Variants in MYH13 observed in about 807,000 individuals in gnomAD.
MYH13 encodes the protein myosin-13.
In MYH13, 177 loss-of-function variants were observed where a neutral mutation model predicts 232.1. That is an observed-to-expected ratio of 0.76 (90% CI 0.67 to 0.86). The LOEUF (loss-of-function observed/expected upper bound fraction) is 0.86. Among genes scored for constraint, MYH13 ranks in the 40% least tolerant of loss-of-function variants. The pLI is 0.00. For missense variants in MYH13, 2,246 were observed against 2,405.9 expected (o/e 0.93, Z 1.39); for synonymous variants, 884 against 923.5 (o/e 0.96, Z 0.78).
At chr17:10,340,128 G>T (rs773203486) in intron 18 of MYH13, 22 bp downstream of exon 18, 5 of 1,599,884 alleles carry the variant, frequency 3.1e-6, no homozygotes, top group Non-Finnish European at 4.3e-6. Context: ...TCAAATACTT[G>T]GCAAGATCTG....
intron 19 of MYH13, among the ~76,000 whole-genome samples, chr17:10,332,869 T>C (rs1489803443): frequency 1.3e-5 from 2 of 152,202 alleles, no homozygotes; most frequent in Non-Finnish European, 1.5e-5. Flanking sequence ...ACAATCAGGC[T>C]AGAGGGTCTG....
Position 10,321,531 on chromosome 17 carries a change from C to A in MYH13, c.3111+1G>T, listed in dbSNP as rs367689410. ...AAAGCATAGTAGTAAAATATCCTCACATCATCTGTTTGCTGTTCAAGCTTG... is the reference window on the plus strand; with the variant it reads ...AAAGCATAGTAGTAAAATATCCTCAAATCATCTGTTTGCTGTTCAAGCTTG... On this transcript the variant is annotated splice_donor_variant, in intron 24 of 40. Coordinates refer to ENST00000252172, the MANE Select transcript of MYH13 (RefSeq NM_003802.3). LOFTEE classifies it high-confidence loss of function. 1 of 1,610,870 alleles carries A rather than the reference C, an allele frequency of 6.2e-7. No individual in the cohort carries two copies. Among genetic ancestry groups the A allele is most frequent in the Non-Finnish European group, 8.5e-7 (1 of 1,178,696 alleles).
At chr17:10,346,011 AAAC>A (rs1306401154) in intron 13 of MYH13, among the ~76,000 whole-genome samples, 102 of 136,560 alleles carry the variant, frequency 7.5e-4, no homozygotes, top group East Asian at 3.2e-3. Flanking sequence ...AAAAAAAAAA[AAAC>A]AAAAGAAAAA....
chr17:10,325,833 T>C (rs7342842), intron 22 of MYH13, among the ~76,000 whole-genome samples: 89,819 of 151,780 alleles, frequency 0.59, 26,975 homozygotes, highest in Non-Finnish European at 0.66. Flanking sequence ...CCCACCACCA[T>C]GCCCAGCTAA....
chr17:10,348,046 A>G (rs1474521271), intron 12 of MYH13, among the ~76,000 whole-genome samples: 3 of 151,990 alleles, frequency 2.0e-5, no homozygotes, highest in African/African-American at 7.2e-5. Context: ...CCCTTGCTTC[A>G]TTGCTGGGTG....
intron 11 of MYH13, among the ~76,000 whole-genome samples, chr17:10,353,905 G>GA (rs2071728755): frequency 2.1e-5 from 3 of 140,726 alleles, no homozygotes; most frequent in East Asian, 2.2e-4. Flanking sequence ...AGAGAAGAAA[G>GA]AAGGAGAGAG....
chr17:10,369,141 TCAATTATAA>T lies in MYH13; in HGVS notation c.-13+2059_-13+2067del, dbSNP rs566958760. On this transcript the variant is annotated intron_variant, in intron 2 of 40. Transcript: ENST00000252172. ...TACCTTATTTTATCAAAATTTGCCA[TCAATTATAA>T]CTTCCACAAATAAAAAAATGCAGCT... Among the ~76,000 whole-genome samples the T allele has an allele frequency of 4.6e-5, 7 of 151,000 alleles. No homozygotes were observed. The South Asian group carries it at 1.5e-3, about 31-fold the overall frequency.
At chr17:10,323,993 C>T (rs374046873) in intron 23 of MYH13, 29 bp downstream of exon 23, 2 of 1,611,852 alleles carry the variant, frequency 1.2e-6, no homozygotes, top group Non-Finnish European at 1.7e-6. Context: ...CCTGTTAAGA[C>T]ACTGTGGGAG....
At chr17:10,350,469 T>C (rs894213516) in intron 12 of MYH13, 87 bp downstream of exon 12, 1 of 1,523,424 alleles carries the variant, frequency 6.6e-7, no homozygotes, top group African/African-American at 1.4e-5. Context: ...GAACAGCTCT[T>C]GAAATGAATG....
At chr17:10,343,170 C>T (rs1399500513) in intron 16 of MYH13, among the ~76,000 whole-genome samples, 1 of 151,202 alleles carries the variant, frequency 6.6e-6, no homozygotes, top group Non-Finnish European at 1.5e-5. Flanking sequence ...TGGTGATGGT[C>T]ACACAACATT....
Position 10,328,023 on chromosome 17 carries a change from T to C in MYH13, c.2534A>G (p.Lys845Arg), listed in dbSNP as rs201644802. The C allele has an allele frequency of 3.7e-5, 60 of 1,614,084 alleles. No individual in the cohort carries two copies. Among genetic ancestry groups the C allele is most frequent in the Non-Finnish European group, 5.0e-5 (59 of 1,180,034 alleles). ...CATCTCCTTCTCGGCCTCTGCACTC[T>C]TCAGCAGGGGCTTGATTTTGAAGAA... The part of the protein sequence containing the change: ...NLFFKIKPLL[K>R]SAEAEKEMAT... The change falls in exon 22 of 41, where the codon AAG (lysine) becomes AGG (arginine). Residue 845 changes from lysine to arginine, a missense_variant. Transcript: ENST00000252172.
At chr17:10,325,947 TTACAGGCGTGAGCCACC>T (rs1300122015) in intron 22 of MYH13, among the ~76,000 whole-genome samples, 1 of 152,200 alleles carries the variant, frequency 6.6e-6, no homozygotes, top group Non-Finnish European at 1.5e-5. Flanking sequence ...AGTGCTGGGA[TTACAGGCGTGAGCCACC>T]ACGCCCGGCC....
Position 10,360,421 on chromosome 17 carries a change from G to A in MYH13, c.506-233C>T, listed in dbSNP as rs796553610. ...GGTGAATGATTCTCTACTCACTGTA[G>A]TGAATCCCACAGTGTAGAAGTTACT... On this transcript the variant is annotated intron_variant, in intron 5 of 40. Transcript: ENST00000252172. 7.6e-4 allele frequency among the ~76,000 whole-genome samples: 115 copies of A among 152,258 alleles called. 1 individual carries two copies. The highest frequency in any genetic ancestry group is 3.4e-3 in the Middle Eastern group (1 of 294).
intron 35 of MYH13, 43 bp from the exon 36 acceptor site, chr17:10,307,107 G>A: frequency 6.3e-7 from 1 of 1,595,736 alleles, no homozygotes; most frequent in Non-Finnish European, 8.5e-7. Context: ...TTCTATTGGG[G>A]CGCTTAAAAA....
chr17:10,345,309 G>A lies in MYH13; in HGVS notation c.1477C>T (p.His493Tyr), dbSNP rs61745301. ...TCCTGCTCCAGCACGAACATGTGGT[G>A]GTTGAAAAACTGTTGCAGTTTCTCA... is the stretch of plus-strand genomic sequence containing the variant. Reference protein sequence around the residue: ...TNEKLQQFFNHHMFVLEQEEY... With the variant: ...TNEKLQQFFNYHMFVLEQEEY... The change falls in exon 15 of 41, where the codon CAC (histidine) becomes TAC (tyrosine). Residue 493 changes from histidine (H) to tyrosine (Y), a missense_variant. Coordinates refer to ENST00000252172, the MANE Select transcript of MYH13 (RefSeq NM_003802.3). 2.5e-6 allele frequency: 4 copies of A among 1,614,204 alleles called. No individual in the cohort carries two copies. The African/African-American group carries it at 5.3e-5, about 22-fold the overall frequency.
In MYH13 at chr17:10,311,206, TCA is replaced by T; in HGVS notation, c.4551_4552del (p.Glu1518AlafsTer64). ...ATTCTTGCCAGTTTCTGCAATCTGC[TCA>T]GTTAAGTCGGAAATCTCTTCTGCAA... On this transcript the variant is annotated frameshift_variant, in exon 33 of 41. Coordinates refer to ENST00000252172, the MANE Select transcript of MYH13 (RefSeq NM_003802.3). LOFTEE classifies it high-confidence loss of function. The T allele has an allele frequency of 1.2e-6, 2 of 1,614,048 alleles. No individual in the cohort carries two copies. The highest frequency in any genetic ancestry group is 1.7e-6 in the Non-Finnish European group (2 of 1,179,888).
chr17:10,332,693 G>T (rs1189303244), intron 19 of MYH13, among the ~76,000 whole-genome samples: 1 of 152,150 alleles, frequency 6.6e-6, no homozygotes, highest in Non-Finnish European at 1.5e-5. Flanking sequence ...AGAGAGTTTT[G>T]ATTGTCACAG....
At chr17:10,330,238 C>G in intron 21 of MYH13, 149 bp downstream of exon 21, 1 of 1,146,084 alleles carries the variant, frequency 8.7e-7, no homozygotes, top group Non-Finnish European at 1.2e-6. Context: ...GCAGAGCACC[C>G]AGCCCAGGAT....
rs754830808 is a variant in MYH13, at chr17:10,313,334, G to A, written c.4005C>T (p.His1335=). The part of the protein sequence containing the change: ...EETKAKNAMA[H]ALQSSRHDCD... Reference sequence around the variant, plus strand: ...AGTCGTGGCGGGAGGACTGCAGGGCGTGCGCCATGGCGTTCTTGGCCTGGG... The same window carrying A: ...AGTCGTGGCGGGAGGACTGCAGGGCATGCGCCATGGCGTTCTTGGCCTGGG... The change falls in exon 30 of 41, where the codon CAC becomes CAT. Residue 1335 remains histidine, a synonymous_variant. Coordinates refer to ENST00000252172, the MANE Select transcript of MYH13 (RefSeq NM_003802.3). 61 of 1,614,122 alleles carry A rather than the reference G, an allele frequency of 3.8e-5. 1 individual carries two copies. The highest frequency in any genetic ancestry group is 4.6e-5 in the Non-Finnish European group (54 of 1,180,060).
Sources: gnomAD v4.1 joint callset for allele counts (sites outside exome capture counted in the v4.1 genomes callset) on GRCh38, gnomAD v4.1.1 for gene constraint, MANE v1.5 for transcripts, NCBI Gene and HGNC (gene_info 2026-07-23, HGNC 2026-07-21) for gene names.